Variants in PLEKHO2 observed in about 807,000 individuals in gnomAD.
PLEKHO2 encodes pleckstrin homology domain containing O2.
Under a neutral mutation model 32.7 loss-of-function variants are expected in PLEKHO2, and 20 were observed. The observed-to-expected ratio is 0.61, with a 90% CI of 0.43 to 0.89. The LOEUF (loss-of-function observed/expected upper bound fraction) is 0.89. Ranked by LOEUF, PLEKHO2 falls within the 40% of genes least tolerant of loss-of-function variation. The pLI is 0.00. For missense variants in PLEKHO2, 568 were observed against 621.2 expected, an observed-to-expected ratio of 0.91 and a Z score of 0.91; for synonymous variants, 247 against 246.3, an observed-to-expected ratio of 1.00 and a Z score of -0.03.
At chr15:64,851,504 A>G (rs1719256) in intron 2 of PLEKHO2, among the ~76,000 whole-genome samples, 107,474 of 152,092 alleles carry the variant, frequency 0.71, 38,815 homozygotes, top group East Asian at 0.94. Context: ...CAGGAACTTA[A>G]CACTTAGGGG....
At chr15:64,845,318 A>C (rs2140337744) in intron 1 of PLEKHO2, among the ~76,000 whole-genome samples, 1 of 142,860 alleles carries the variant, frequency 7.0e-6, no homozygotes, top group South Asian at 2.3e-4. Flanking sequence ...CTGGGTGAGG[A>C]GGGATGGGAG....
At chr15:64,843,888 C>T (rs928493702) in intron 1 of PLEKHO2, among the ~76,000 whole-genome samples, 6 of 152,100 alleles carry the variant, frequency 3.9e-5, no homozygotes, top group African/African-American at 1.4e-4. Flanking sequence ...CCTATATTGC[C>T]ACTTTCTGAC....
At chr15:64,842,159 A>G in intron 1 of PLEKHO2, 131 bp downstream of exon 1, 1 of 872,990 alleles carries the variant, frequency 1.1e-6, no homozygotes, top group Non-Finnish European at 1.5e-6. Context: ...GAGCCTGGGC[A>G]AATGGGGCAG....
In PLEKHO2 at chr15:64,866,431, TG is replaced by T. The variant is rs1269954947; in HGVS notation, c.*549del. ...CCAGGCTCTAGGTTCATCCCTCAGT[TG>T]GGGGGAACGTAGGACCCAGCTGGAG... On this transcript the variant is annotated 3_prime_UTR_variant, in exon 6 of 6. Transcript: ENST00000323544. 27 of 455,628 alleles carry T rather than the reference TG, an allele frequency of 5.9e-5. No homozygotes were observed. 28.2% of individuals were successfully genotyped at this position (455,628 alleles called of 1,614,324 possible). A position where few individuals can be genotyped will look rare whatever the true frequency, so the allele number is the denominator to read the frequency against.
rs1193077010 is a variant in PLEKHO2, at chr15:64,866,575, T to A, written c.*687T>A. ...GGACATTTTCTGCAGCCCCTTCCTC[T>A]CAGTGAGCTATGATTGGAGGGCTTA... On this transcript the variant is annotated 3_prime_UTR_variant, in exon 6 of 6. Transcript: ENST00000323544. The A allele has an allele frequency of 2.8e-6, 1 of 354,044 alleles. No individual in the cohort carries two copies. The allele number at this position is 354,044 out of a possible 1,614,324, so 21.9% of individuals were successfully genotyped here. A position where few individuals can be genotyped will look rare whatever the true frequency, so the allele number is the denominator to read the frequency against.
chr15:64,855,112 C>A, intron 3 of PLEKHO2, 75 bp downstream of exon 3: 4 of 1,171,052 alleles, frequency 3.4e-6, no homozygotes, highest in South Asian at 1.3e-5. Flanking sequence ...AGGTTTAAGG[C>A]AGGCCTGGCC....
chr15:64,853,263 A>ATTTCTT (rs1434887662), intron 2 of PLEKHO2, among the ~76,000 whole-genome samples: 10 of 148,676 alleles, frequency 6.7e-5, no homozygotes, highest in African/African-American at 2.5e-4. Context: ...GGGGGTTTGC[A>ATTTCTT]TTTCTTTTTC....
chr15:64,856,649 C>T (rs1567096973), intron 3 of PLEKHO2, among the ~76,000 whole-genome samples: 1 of 152,090 alleles, frequency 6.6e-6, no homozygotes, highest in Non-Finnish European at 1.5e-5. Flanking sequence ...GAGAACAGGA[C>T]AAGAATTTAG....
Position 64,865,397 on chromosome 15 carries a change from A to T in PLEKHO2, c.982A>T (p.Met328Leu), listed in dbSNP as rs775039981. The T allele has an allele frequency of 8.1e-6, 13 of 1,613,720 alleles. No homozygotes were observed. Among genetic ancestry groups the T allele is most frequent in the Non-Finnish European group, 1.1e-5 (13 of 1,179,780 alleles). Residue 328 changes from methionine (M) to leucine (L), a missense_variant, in exon 6 of 6, where the codon ATG (methionine) becomes TTG (leucine). Physicochemically the swap from Met to Leu is conservative, Grantham distance 15. Transcript: ENST00000323544. ...GAAACTGAAAGCCTCCATGGGTGAGATGCAGGCTTCTGGGCCACCTGCTCC... is the reference window on the plus strand; with the variant it reads ...GAAACTGAAAGCCTCCATGGGTGAGTTGCAGGCTTCTGGGCCACCTGCTCC... ...SEKLKASMGE[M>L]QASGPPAPGT...
At chr15:64,850,744 C>A (rs1177879084) in intron 2 of PLEKHO2, among the ~76,000 whole-genome samples, 2 of 152,174 alleles carry the variant, frequency 1.3e-5, no homozygotes, top group African/African-American at 4.8e-5. Flanking sequence ...TTTGGACAAC[C>A]AAGGATGCTA....
chr15:64,851,640 A>C (rs1468153258), intron 2 of PLEKHO2, among the ~76,000 whole-genome samples: 1 of 152,176 alleles, frequency 6.6e-6, no homozygotes, highest in East Asian at 1.9e-4. Flanking sequence ...AGAGGCTGAC[A>C]TTCCAAAGAT....
chr15:64,841,975 T>A lies in PLEKHO2; in HGVS notation c.-42T>A, dbSNP rs886371797. The A allele has an allele frequency of 6.4e-6, 8 of 1,246,132 alleles. No homozygotes were observed. The highest frequency in any genetic ancestry group is 8.0e-6 in the Non-Finnish European group (8 of 995,690). The allele number at this position is 1,246,132 out of a possible 1,614,324, so 77.2% of individuals were successfully genotyped here. On this transcript the variant is annotated 5_prime_UTR_variant, in exon 1 of 6. Coordinates refer to ENST00000323544, the MANE Select transcript of PLEKHO2 (RefSeq NM_025201.5). ...CGCGGTGGCAGAGCCCGCGCGGCGC[T>A]GGAAGCGAGTGGCGGAGCGGCGGGA... is the stretch of plus-strand genomic sequence containing the variant.
intron 3 of PLEKHO2, 112 bp downstream of exon 3, chr15:64,855,149 G>A (rs980957238): frequency 3.0e-5 from 24 of 789,250 alleles, no homozygotes; most frequent in African/African-American, 1.5e-4. Context: ...TTTCCGTTGC[G>A]TGTGGCTGAG....
At chr15:64,861,323 A>G (rs1004427870) in intron 4 of PLEKHO2, among the ~76,000 whole-genome samples, 154 bp from the exon 5 acceptor site, 3 of 152,054 alleles carry the variant, frequency 2.0e-5, no homozygotes, top group Non-Finnish European at 4.4e-5. Context: ...CTCCAGGGGC[A>G]TTGCAGAGTT....
chr15:64,866,467 G>A lies in PLEKHO2; in HGVS notation c.*579G>A. The A allele has an allele frequency of 4.5e-6, 2 of 447,426 alleles. No homozygotes were observed. The highest frequency in any genetic ancestry group is 2.4e-5 in the Admixed American group (1 of 41,340). The allele number at this position is 447,426 out of a possible 1,614,324, so 27.7% of individuals were successfully genotyped here. A position where few individuals can be genotyped will look rare whatever the true frequency, so the allele number is the denominator to read the frequency against. On this transcript the variant is annotated 3_prime_UTR_variant, in exon 6 of 6. Coordinates refer to ENST00000323544, the MANE Select transcript of PLEKHO2 (RefSeq NM_025201.5). ...TAGGACCCAGCTGGAGCCTCTTGAGGGAGATGAGAGGCCTCTTTGTGAGGA... is the reference window on the plus strand; with the variant it reads ...TAGGACCCAGCTGGAGCCTCTTGAGAGAGATGAGAGGCCTCTTTGTGAGGA...
intron 3 of PLEKHO2, among the ~76,000 whole-genome samples, chr15:64,859,290 T>G (rs2084626820): frequency 6.6e-6 from 1 of 152,242 alleles, no homozygotes; most frequent in African/African-American, 2.4e-5. Flanking sequence ...TGAGGCAGGT[T>G]CTGGTGGTAT....
intron 2 of PLEKHO2, among the ~76,000 whole-genome samples, chr15:64,853,322 G>A (rs548042126): frequency 6.8e-6 from 1 of 147,666 alleles, no homozygotes; most frequent in Non-Finnish European, 1.5e-5. Flanking sequence ...TGTTGCCCAG[G>A]CTGGAGTGCA....
intron 5 of PLEKHO2, among the ~76,000 whole-genome samples, chr15:64,864,288 C>T (rs781551854): frequency 6.6e-5 from 10 of 152,124 alleles, no homozygotes; most frequent in Non-Finnish European, 7.4e-5. Context: ...TCTGGGACCA[C>T]ATCTGATGAC....
In PLEKHO2 at chr15:64,865,568, C is replaced by G. The variant is rs370063159; in HGVS notation, c.1153C>G (p.His385Asp). 214 of 1,614,090 alleles carry G rather than the reference C, an allele frequency of 1.3e-4. No homozygotes were observed. The highest frequency in any genetic ancestry group is 1.8e-4 in the Non-Finnish European group (209 of 1,180,026). Reference sequence around the variant, plus strand: ...CCCCTGGGACCTGCCACCTCAGTTCCATCCCCGCTGCTCCTCCCTTGGGGA... The same window carrying G: ...CCCCTGGGACCTGCCACCTCAGTTCGATCCCCGCTGCTCCTCCCTTGGGGA... ...LPPWDLPPQF[H>D]PRCSSLGDLL... is the part of the protein sequence containing the mutation. Residue 385 changes from histidine to aspartate, a missense_variant, in exon 6 of 6, where the codon CAT becomes GAT. Coordinates refer to ENST00000323544, the MANE Select transcript of PLEKHO2 (RefSeq NM_025201.5).
Sources: gnomAD v4.1 joint callset for allele counts (sites outside exome capture counted in the v4.1 genomes callset) on GRCh38, gnomAD v4.1.1 for gene constraint, MANE v1.5 for transcripts, NCBI Gene and HGNC (gene_info 2026-07-23, HGNC 2026-07-21) for gene names.